ZC3HAV1: variants seen among roughly 807,000 people sequenced by gnomAD.
ZC3HAV1 encodes zinc finger CCCH-type containing, antiviral 1.
ZC3HAV1 carries 41 observed loss-of-function variants against 86.6 expected under a neutral mutation model. The observed-to-expected ratio is 0.47, with a 90% CI of 0.37 to 0.61. The LOEUF (loss-of-function observed/expected upper bound fraction) is 0.61, where lower values mean the gene tolerates loss of function less well. ZC3HAV1 is among the 20% of genes least tolerant of loss of function. ZC3HAV1 has a pLI of 0.00. For missense variants in ZC3HAV1, 964 were observed against 1,141.1 expected, an observed-to-expected ratio of 0.84 and a Z score of 2.24; for synonymous variants, 421 against 432.1, an observed-to-expected ratio of 0.97 and a Z score of 0.32.
chr7:139,051,145 C>T (rs1203575952), intron 12 of ZC3HAV1, among the ~76,000 whole-genome samples: 5 of 151,604 alleles, frequency 3.3e-5, no homozygotes, highest in African/African-American at 1.2e-4. Flanking sequence ...GCAACCTCTG[C>T]CTCCCGGGTT....
chr7:139,091,347 G>C (rs6467823), intron 1 of ZC3HAV1, among the ~76,000 whole-genome samples: 1 of 151,858 alleles, frequency 6.6e-6, no homozygotes, highest in South Asian at 2.1e-4. Flanking sequence ...AAATAGCTGT[G>C]GTCCCAGTTA....
intron 7 of ZC3HAV1, among the ~76,000 whole-genome samples, chr7:139,072,196 CT>C (rs569833688): frequency 2.4e-4 from 36 of 148,198 alleles, no homozygotes; most frequent in Admixed American, 2.7e-4. Context: ...CCTGCATTAT[CT>C]TTTTTTTTTT....
intron 1 of ZC3HAV1, among the ~76,000 whole-genome samples, chr7:139,099,177 T>C (rs1817684699): frequency 6.6e-6 from 1 of 151,408 alleles, no homozygotes; most frequent in African/African-American, 2.4e-5. Flanking sequence ...AAATTAAAAA[T>C]TTGAGATGTA....
At position 139,079,815 on chromosome 7, in the gene ZC3HAV1, C is replaced by A. The variant is rs1197603552; in HGVS notation, c.1126G>T (p.Val376Leu). The A allele has an allele frequency of 1.7e-5, 27 of 1,614,158 alleles. No individual in the cohort carries two copies. The highest frequency in any genetic ancestry group is 2.3e-5 in the Non-Finnish European group (27 of 1,180,032). The change falls in exon 4 of 13, where the codon GTG becomes TTG. Residue 376 changes from valine (V) to leucine (L), a missense_variant. Val to Leu is a conservative substitution (Grantham distance 32, BLOSUM62 1). Transcript: ENST00000242351. ...TNDQGARRKT[V>L]FSPTLPAARS... ...GCGGCAGGTAGCGTGGGAGAAAACA[C>A]AGTCTTTCTCCTGGCGCCTTGGTCA...
At chr7:139,058,440 ACCCC>A (rs56132797) in intron 9 of ZC3HAV1, among the ~76,000 whole-genome samples, 63 of 119,276 alleles carry the variant, frequency 5.3e-4, no homozygotes, top group African/African-American at 1.4e-3. Flanking sequence ...CTAACCCCCA[ACCCC>A]CCCCCCCCCC....
chr7:139,082,164 C>T (rs1817144784), intron 3 of ZC3HAV1, among the ~76,000 whole-genome samples: 1 of 151,930 alleles, frequency 6.6e-6, no homozygotes. Flanking sequence ...ACTTGGGAGA[C>T]TGAAGCAGAA....
At chr7:139,064,028 C>G (rs1033341253) in intron 8 of ZC3HAV1, among the ~76,000 whole-genome samples, 2 of 152,122 alleles carry the variant, frequency 1.3e-5, no homozygotes, top group Non-Finnish European at 2.9e-5. Flanking sequence ...AGAAAGGTTC[C>G]TAAGGGAATG....
chr7:139,077,230 A>T (rs1816978684), intron 5 of ZC3HAV1, among the ~76,000 whole-genome samples: 1 of 151,720 alleles, frequency 6.6e-6, no homozygotes. Context: ...CCATTTGCAA[A>T]TTTTTTGTTT....
intron 5 of ZC3HAV1, among the ~76,000 whole-genome samples, chr7:139,077,179 G>A (rs185067840): frequency 6.6e-6 from 1 of 152,286 alleles, no homozygotes; most frequent in East Asian, 1.9e-4. Context: ...TCAGTTGGGG[G>A]TTAATTTTTT....
intron 7 of ZC3HAV1, among the ~76,000 whole-genome samples, chr7:139,071,949 A>AC (rs1816785778): frequency 6.6e-6 from 1 of 152,196 alleles, no homozygotes; most frequent in South Asian, 2.1e-4. Context: ...CATGTGGCCC[A>AC]CTATAGGAGG....
intron 1 of ZC3HAV1, among the ~76,000 whole-genome samples, chr7:139,090,068 C>T (rs1817385845): frequency 6.6e-6 from 1 of 151,988 alleles, no homozygotes; most frequent in Non-Finnish European, 1.5e-5. Context: ...CACAGGCACG[C>T]ACCACCACAC....
intron 2 of ZC3HAV1, among the ~76,000 whole-genome samples, chr7:139,086,539 A>G (rs1235155747): frequency 2.0e-5 from 3 of 152,098 alleles, no homozygotes; most frequent in Admixed American, 6.6e-5. Context: ...ACTGTAGTCA[A>G]TGGGCTCTTC....
At position 139,079,832 on chromosome 7, in the gene ZC3HAV1, C is replaced by T. The variant is rs747287925; in HGVS notation, c.1109G>A (p.Gly370Asp). ...AGAAAACACAGTCTTTCTCCTGGCG[C>T]CTTGGTCATTCGTCCAGGATGTGAG... Reference protein sequence around the residue: ...KSLTSWTNDQGARRKTVFSPT... With the variant: ...KSLTSWTNDQDARRKTVFSPT... The change falls in exon 4 of 13, where the codon GGC becomes GAC. Residue 370 changes from glycine (G) to aspartate (D), a missense_variant. Physicochemically the swap from Gly to Asp is moderately conservative, Grantham distance 94. Coordinates refer to ENST00000242351, the MANE Select transcript of ZC3HAV1 (RefSeq NM_020119.4). The T allele has an allele frequency of 1.9e-5, 30 of 1,613,990 alleles. No homozygotes were observed. The South Asian group carries it at 3.3e-4, about 18-fold the overall frequency.
chr7:139,080,423 TTTTTTGTTTTTG>T (rs771023609), intron 3 of ZC3HAV1, among the ~76,000 whole-genome samples, 180 bp from the exon 4 acceptor site: 1 of 152,104 alleles, frequency 6.6e-6, no homozygotes, highest in Non-Finnish European at 1.5e-5. Context: ...ACTGACGGTT[TTTTTTGTTTTTG>T]TTTTTGTTTT....
intron 1 of ZC3HAV1, among the ~76,000 whole-genome samples, chr7:139,098,489 T>C (rs1817669986): frequency 6.6e-6 from 1 of 152,156 alleles, no homozygotes; most frequent in Non-Finnish European, 1.5e-5. Context: ...TTTTCTAAAT[T>C]GGTCTAAAAC....
chr7:139,079,022 A>G, intron 4 of ZC3HAV1: 1 of 1,497,132 alleles, frequency 6.7e-7, no homozygotes, highest in Non-Finnish European at 8.9e-7. Flanking sequence ...GAACTGGGGA[A>G]CATCCAAGGA....
Position 139,097,670 on chromosome 7 carries a change from G to A in ZC3HAV1, c.309-7911C>T, listed in dbSNP as rs569518115. Among the ~76,000 whole-genome samples, 8 of 151,442 alleles carry A rather than the reference G, an allele frequency of 5.3e-5. No homozygotes were observed. The South Asian group carries it at 8.4e-4, about 16-fold the overall frequency. ...AGGATGGTCTGGATCTCCTGACCTC[G>A]TGATCCGCTCGCCTCGGCCTCCTAA... On this transcript the variant is annotated intron_variant, in intron 1 of 12. Coordinates refer to ENST00000242351, the MANE Select transcript of ZC3HAV1 (RefSeq NM_020119.4).
chr7:139,097,180 T>A (rs993915043), intron 1 of ZC3HAV1, among the ~76,000 whole-genome samples: 2 of 149,746 alleles, frequency 1.3e-5, no homozygotes, highest in African/African-American at 2.4e-5. Context: ...AAAAAGAAAA[T>A]TTTAAAAATA....
chr7:139,080,245 T>C lies in ZC3HAV1; in HGVS notation c.698-2A>G, dbSNP rs1375469412. 6.2e-7 allele frequency: 1 copy of C among 1,612,812 alleles called. No homozygotes were observed. The highest frequency in any genetic ancestry group is 1.6e-4 in the Middle Eastern group (1 of 6,062). On this transcript the variant is annotated splice_acceptor_variant, in intron 3 of 12. Coordinates refer to ENST00000242351, the MANE Select transcript of ZC3HAV1 (RefSeq NM_020119.4). LOFTEE classifies it high-confidence loss of function. ...TGTTTCTACGATGTGAAGAAGGAGC[T>C]AAGGGGAAAAAAAGCCAAAATGAAA...
Sources: allele counts gnomAD v4.1 joint callset (sites outside exome capture counted in the v4.1 genomes callset), GRCh38; gene constraint gnomAD v4.1.1; transcripts MANE v1.5; gene names NCBI Gene and HGNC (gene_info 2026-07-23, HGNC 2026-07-21).